SPTB: variants seen among roughly 807,000 people sequenced by gnomAD.
SPTB encodes the protein spectrin beta chain, erythrocytic.
A neutral mutation model predicts 256.2 loss-of-function variants in SPTB; 45 were observed. The observed-to-expected ratio is 0.18, with a 90% CI of 0.14 to 0.23. The LOEUF (loss-of-function observed/expected upper bound fraction) is 0.23, where lower values mean the gene tolerates loss of function less well. SPTB is among the 10% of genes least tolerant of loss of function. The probability of loss-of-function intolerance (pLI) is 1.00; values close to 1 mark genes in which losing one functional copy is unlikely to be tolerated. For synonymous variants in SPTB, 1,231 were observed against 1,243.1 expected, an observed-to-expected ratio of 0.99 and a Z score of 0.21; for missense variants, 2,715 against 3,040.4, an observed-to-expected ratio of 0.89 and a Z score of 2.52.
In SPTB at chr14:64,747,425, C is replaced by G. The variant is rs2081864170; in HGVS notation, c.*1881G>C. ...CAGAAAGAGGCTGGTGAGTGATACA[C>G]ACTAGGTTCCCTGTATAGGGTCATA... On this transcript the variant is annotated 3_prime_UTR_variant, in exon 36 of 36. Coordinates refer to ENST00000644917, the MANE Select transcript of SPTB (RefSeq NM_001355436.2). 6.6e-6 allele frequency: 1 copy of G among 152,658 alleles called. No homozygotes were observed. The highest frequency in any genetic ancestry group is 1.5e-5 in the Non-Finnish European group (1 of 68,050). 9.5% of individuals were successfully genotyped at this position (152,658 alleles called of 1,614,324 possible). A position where few individuals can be genotyped will look rare whatever the true frequency, so the allele number is the denominator to read the frequency against.
chr14:64,785,776 T>A lies in SPTB; in HGVS notation c.3737A>T (p.Lys1246Met). ...AEGNLYSDKI[K>M]EKVQLIEDRH... ...GTCCTCAATCAGCTGCACCTTCTCC[T>A]TGATCTTGTCTGAGTATAGGTTTCC... is the stretch of plus-strand genomic sequence containing the variant. Residue 1246 changes from lysine to methionine, a missense_variant, in exon 17 of 36, where the codon AAG (lysine) becomes ATG (methionine). Physicochemically the swap from Lys to Met is moderately conservative, Grantham distance 95. This residue lies in a region of SPTB where 2,239 missense variants were observed against 2,384.4 expected (regional missense o/e 0.94). Transcript: ENST00000644917. The surrounding 1 kb of genome is among the most constrained non-coding windows in gnomAD (Gnocchi z 4.4). 3.1e-6 allele frequency: 5 copies of A among 1,614,084 alleles called. No individual in the cohort carries two copies. The highest frequency in any genetic ancestry group is 4.2e-6 in the Non-Finnish European group (5 of 1,180,024).
intron 33 of SPTB, among the ~76,000 whole-genome samples, chr14:64,751,413 C>T (rs1432541978): frequency 2.0e-5 from 3 of 152,100 alleles, no homozygotes; most frequent in African/African-American, 4.8e-5. Context: ...AGCCACCACG[C>T]CCGGCCCCTA....
At chr14:64,851,478 T>TAGCAGA (rs1441086481) in intron 1 of SPTB, among the ~76,000 whole-genome samples, 1 of 152,212 alleles carries the variant, frequency 6.6e-6, no homozygotes, top group Non-Finnish European at 1.5e-5. Context: ...GTAGTAGTAG[T>TAGCAGA]AGCAGTAGCA....
intron 2 of SPTB, among the ~76,000 whole-genome samples, chr14:64,808,237 C>T (rs1383071287): frequency 6.6e-6 from 1 of 152,138 alleles, no homozygotes; most frequent in Non-Finnish European, 1.5e-5. Context: ...TGGTCTTGAT[C>T]TCTTGACCTC....
In SPTB at chr14:64,782,454, T is replaced by C; in HGVS notation, c.4102A>G (p.Thr1368Ala). The change falls in exon 20 of 36, where the codon ACA becomes GCA. Residue 1368 changes from threonine (T) to alanine (A), a missense_variant. Around this residue, in one of 4 missense-constraint regions of SPTB, gnomAD observed 2,239 missense variants for 2,384.4 expected, o/e 0.94. Transcript: ENST00000644917. ...HRLWDELQATTKEKTQHLSAA... is the reference protein window; with the variant it reads ...HRLWDELQATAKEKTQHLSAA... ...GAGAGGTGCTGGGTCTTCTCCTTTG[T>C]GGTGGCCTGCAGCTCGTCCCAGAGC... 6.2e-7 allele frequency: 1 copy of C among 1,614,156 alleles called. No individual in the cohort carries two copies. Among genetic ancestry groups the C allele is most frequent in the Non-Finnish European group, 8.5e-7 (1 of 1,180,040 alleles).
In SPTB at chr14:64,854,274, CTTTTTTTT is replaced by C. The variant is rs1206368948; in HGVS notation, c.-52+25510_-52+25517del. On this transcript the variant is annotated intron_variant, in intron 1 of 35. Coordinates refer to ENST00000644917, the MANE Select transcript of SPTB (RefSeq NM_001355436.2). ...AAAACAGTCAATAGTTTTCCAAACT[CTTTTTTTT>C]TTTTTTTTTTTTTTGAGATGGAGTC... is the stretch of plus-strand genomic sequence containing the variant. 4.1e-4 allele frequency among the ~76,000 whole-genome samples: 30 copies of C among 73,286 alleles called. 1 individual carries two copies. The highest frequency in any genetic ancestry group is 2.7e-3 in the Admixed American group (11 of 4,142). 48.1% of individuals were successfully genotyped at this position (73,286 alleles called of 152,430 possible).
chr14:64,824,828 C>A lies in SPTB; in HGVS notation c.-51-1683G>T, dbSNP rs1443454165. On this transcript the variant is annotated intron_variant, in intron 1 of 35. Coordinates refer to ENST00000644917, the MANE Select transcript of SPTB (RefSeq NM_001355436.2). This position sits in a 1 kb window ranked among gnomAD's most constrained non-coding sequence, Gnocchi z 5.7. ...GGGCTACAGCCTTATTTTTCAGATA[C>A]AGACTCACTTCAGACTGCATTTTCC... Among the ~76,000 whole-genome samples the A allele has an allele frequency of 6.6e-6, 1 of 152,218 alleles. No individual in the cohort carries two copies. Among genetic ancestry groups the A allele is most frequent in the Non-Finnish European group, 1.5e-5 (1 of 68,038 alleles).
chr14:64,766,962 C>A (rs45457295), intron 31 of SPTB, among the ~76,000 whole-genome samples, 161 bp from the exon 32 acceptor site: 27,330 of 152,072 alleles, frequency 0.18, 3,747 homozygotes, highest in African/African-American at 0.39. Context: ...AGCCGCCCAG[C>A]GACTTCTTCG....
Position 64,795,222 on chromosome 14 carries a change from G to T in SPTB, c.1644+115C>A. ...TTTGCTGCCTCAGTTTCTCTATTTT[G>T]ACTCAGAGATATGACTGGCTGGGAG... On this transcript the variant is annotated intron_variant, in intron 12 of 35. Transcript: ENST00000644917. This position sits in a 1 kb window ranked among gnomAD's most constrained non-coding sequence, Gnocchi z 6.5. 8.0e-7 allele frequency: 1 copy of T among 1,243,606 alleles called. No homozygotes were observed. The highest frequency in any genetic ancestry group is 1.4e-5 in the South Asian group (1 of 72,752). 77.0% of individuals were successfully genotyped at this position (1,243,606 alleles called of 1,614,324 possible).
intron 7 of SPTB, 151 bp downstream of exon 7, chr14:64,801,134 G>C: frequency 1.4e-6 from 1 of 709,180 alleles, no homozygotes; most frequent in South Asian, 1.7e-5. Context: ...GCCCAGATCA[G>C]AGCCTGGCCT....
intron 1 of SPTB, among the ~76,000 whole-genome samples, chr14:64,871,369 A>G (rs1262200864): frequency 6.6e-6 from 1 of 152,238 alleles, no homozygotes; most frequent in Non-Finnish European, 1.5e-5. Flanking sequence ...AAGAGTAGAA[A>G]AAAAGAGACT....
In SPTB at chr14:64,790,422, C is replaced by T. The variant is rs2082649759; in HGVS notation, c.2804+1297G>A. Among the ~76,000 whole-genome samples, 1 of 152,200 alleles carries T rather than the reference C, an allele frequency of 6.6e-6. No individual in the cohort carries two copies. Among genetic ancestry groups the T allele is most frequent in the Non-Finnish European group, 1.5e-5 (1 of 68,036 alleles). ...CAATTGCAATAATCTCTACCACCTC[C>T]TGCCCACCAACACACACAAACTCAT... On this transcript the variant is annotated intron_variant, in intron 15 of 35. Transcript: ENST00000644917. This position sits in a 1 kb window ranked among gnomAD's most constrained non-coding sequence, Gnocchi z 4.8.
chr14:64,814,754 G>C (rs229674), intron 2 of SPTB, among the ~76,000 whole-genome samples: 72,357 of 152,068 alleles, frequency 0.48, 19,885 homozygotes, highest in African/African-American at 0.75. Flanking sequence ...TGGCCTCCCC[G>C]CTCAGCCTCC....
intron 1 of SPTB, among the ~76,000 whole-genome samples, chr14:64,863,311 A>G (rs536704196): frequency 1.3e-5 from 2 of 152,322 alleles, no homozygotes; most frequent in Non-Finnish European, 2.9e-5. Flanking sequence ...GAGCGAAAAA[A>G]AAAATTGCAA....
intron 1 of SPTB, among the ~76,000 whole-genome samples, chr14:64,851,230 G>C (rs1156596978): frequency 6.6e-6 from 1 of 152,230 alleles, no homozygotes. Context: ...GCAGGGCTAT[G>C]AGCAGATTTC....
At chr14:64,766,261 T>G in intron 32 of SPTB, 1 of 439,356 alleles carries the variant, frequency 2.3e-6, no homozygotes, top group Non-Finnish European at 3.4e-6. Context: ...TGTGGGTGTG[T>G]ATTTGTGTGT....
intron 33 of SPTB, chr14:64,752,358 G>A (rs1840926765): frequency 1.1e-6 from 1 of 897,568 alleles, no homozygotes; most frequent in South Asian, 1.4e-5. Context: ...GGGCACATAG[G>A]GAGGAAGTTC....
chr14:64,788,638 C>A (rs781290244), intron 15 of SPTB, among the ~76,000 whole-genome samples: 1 of 152,170 alleles, frequency 6.6e-6, no homozygotes, highest in Non-Finnish European at 1.5e-5. Flanking sequence ...CTGGCTGTGT[C>A]CCCAGGCAAG....
intron 13 of SPTB, 139 bp from the exon 14 acceptor site, chr14:64,794,006 G>A: frequency 1.4e-6 from 1 of 708,480 alleles, no homozygotes; most frequent in Non-Finnish European, 2.3e-6. Context: ...ATGCAGGGGG[G>A]TCCCAGTTGC....
Sources: gnomAD v4.1 joint callset for allele counts (sites outside exome capture counted in the v4.1 genomes callset) on GRCh38, gnomAD v4.1.1 for gene constraint, gnomAD v4.1.1 regional missense constraint, Gnocchi (gnomAD v3.1) non-coding constraint, MANE v1.5 for transcripts, NCBI Gene and HGNC (gene_info 2026-07-23, HGNC 2026-07-21) for gene names.